Variants in NIPBL observed in about 807,000 individuals in gnomAD.
NIPBL encodes the protein nipped-B-like protein.
Under a neutral mutation model 321.8 loss-of-function variants are expected in NIPBL, and 19 were observed. The observed-to-expected ratio is 0.06, with a 90% CI of 0.04 to 0.09. The LOEUF is 0.09. NIPBL is among the 10% of genes least tolerant of loss of function. The pLI is 1.00. For synonymous variants in NIPBL, 1,106 were observed against 1,114.1 expected (o/e 0.99, Z 0.14); for missense variants, 2,210 against 3,327.0 (o/e 0.66, Z 8.26).
At chr5:37,024,389 T>C (rs536803652) in intron 29 of NIPBL, among the ~76,000 whole-genome samples, 196 bp from the exon 30 acceptor site, 124 of 151,626 alleles carry the variant, frequency 8.2e-4, no homozygotes, top group Non-Finnish European at 1.4e-3. Context: ...GTCTTAGATA[T>C]CATACTTTAA....
intron 1 of NIPBL, among the ~76,000 whole-genome samples, chr5:36,917,370 T>C (rs1748548032): frequency 6.6e-6 from 1 of 152,210 alleles, no homozygotes; most frequent in Non-Finnish European, 1.5e-5. Context: ...TTGAGTTCTT[T>C]GTAGATTCTG....
intron 1 of NIPBL, among the ~76,000 whole-genome samples, chr5:36,944,008 A>G (rs76309922): frequency 6.6e-6 from 1 of 152,194 alleles, no homozygotes; most frequent in African/African-American, 2.4e-5. Context: ...TCCAAGAGAA[A>G]GTAGGAGAAG....
chr5:36,997,361 C>G (rs923454280), intron 11 of NIPBL, among the ~76,000 whole-genome samples: 4 of 152,160 alleles, frequency 2.6e-5, no homozygotes, highest in African/African-American at 9.7e-5. Context: ...GAAGCTGTCT[C>G]ACAGTTAAGT....
At chr5:36,920,087 A>G (rs1748811171) in intron 1 of NIPBL, among the ~76,000 whole-genome samples, 1 of 152,150 alleles carries the variant, frequency 6.6e-6, no homozygotes, top group Non-Finnish European at 1.5e-5. Flanking sequence ...GCTTTTTTGT[A>G]AGGTGATATG....
At chr5:36,896,605 G>C (rs74510893) in intron 1 of NIPBL, among the ~76,000 whole-genome samples, 2,108 of 152,054 alleles carry the variant, frequency 0.014, 54 homozygotes, top group African/African-American at 0.049. Flanking sequence ...TTAGTGTTTT[G>C]TTTGTTTGTT....
chr5:36,991,737 C>T (rs1745538911), intron 10 of NIPBL, among the ~76,000 whole-genome samples: 1 of 148,226 alleles, frequency 6.7e-6, no homozygotes, highest in Admixed American at 6.8e-5. Flanking sequence ...TCCATTATGC[C>T]TGCCCAAGTT....
intron 34 of NIPBL, among the ~76,000 whole-genome samples, chr5:37,043,608 G>A (rs557265128): frequency 1.3e-5 from 2 of 152,218 alleles, no homozygotes; most frequent in South Asian, 2.1e-4. Context: ...AGACTGTCAG[G>A]AAAATCGCTC....
At chr5:36,980,316 C>G (rs1418467135) in intron 9 of NIPBL, among the ~76,000 whole-genome samples, 1 of 151,652 alleles carries the variant, frequency 6.6e-6, no homozygotes, top group African/African-American at 2.4e-5. Flanking sequence ...GGTGAAAATA[C>G]AGGTATGCGG....
intron 43 of NIPBL, among the ~76,000 whole-genome samples, chr5:37,057,762 C>T (rs140299813): frequency 3.9e-4 from 60 of 152,338 alleles, no homozygotes; most frequent in Non-Finnish European, 7.3e-4. Context: ...CCCTCAACTA[C>T]AGCACCGTTA....
chr5:36,891,040 C>T (rs188087855), intron 1 of NIPBL, among the ~76,000 whole-genome samples: 43 of 152,102 alleles, frequency 2.8e-4, no homozygotes, highest in African/African-American at 9.2e-4. Flanking sequence ...CCGAGGCGGG[C>T]GGATCACGAA....
intron 9 of NIPBL, among the ~76,000 whole-genome samples, chr5:36,978,440 GTTGT>G (rs1228540985): frequency 5.9e-5 from 9 of 151,750 alleles, no homozygotes; most frequent in Middle Eastern, 6.8e-3. Context: ...TTTTTAGTGG[GTTGT>G]TTTTTTCTTG....
chr5:36,956,565 A>C (rs892591294), intron 3 of NIPBL, among the ~76,000 whole-genome samples: 26 of 151,672 alleles, frequency 1.7e-4, no homozygotes, highest in Admixed American at 3.3e-4. Context: ...AAGAAGTATA[A>C]TACTACTAAT....
intron 1 of NIPBL, among the ~76,000 whole-genome samples, chr5:36,884,714 A>T (rs983026880): frequency 6.6e-6 from 1 of 152,198 alleles, no homozygotes; most frequent in Non-Finnish European, 1.5e-5. Context: ...GAATTGAGCC[A>T]TGTGGTATTT....
rs1753639915 is a variant in NIPBL, at chr5:37,052,259, A to G, written c.7063-107A>G. 12 of 858,056 alleles carry G rather than the reference A, an allele frequency of 1.4e-5. No homozygotes were observed. The South Asian group carries it at 1.8e-4, about 13-fold the overall frequency. 53.2% of individuals were successfully genotyped at this position (858,056 alleles called of 1,614,324 possible). A position where few individuals can be genotyped will look rare whatever the true frequency, so the allele number is the denominator to read the frequency against. On this transcript the variant is annotated intron_variant, in intron 41 of 46. Transcript: ENST00000282516. ...TCATTCTGTGATTCGTATTATTTTA[A>G]TTAAAAAAAAACAATGAAGCTAGCC... is the stretch of plus-strand genomic sequence containing the variant.
chr5:36,881,864 T>G (rs1745530607), intron 1 of NIPBL, among the ~76,000 whole-genome samples: 1 of 152,000 alleles, frequency 6.6e-6, no homozygotes, highest in Non-Finnish European at 1.5e-5. Flanking sequence ...TGTGAAGCTT[T>G]TAGTTCTTTG....
chr5:37,008,990 T>C (rs1418659278), intron 20 of NIPBL, among the ~76,000 whole-genome samples: 2 of 152,222 alleles, frequency 1.3e-5, no homozygotes, highest in Non-Finnish European at 2.9e-5. Context: ...AACACTTTGT[T>C]ATGCATAGCT....
chr5:36,920,038 G>C (rs1251968895), intron 1 of NIPBL, among the ~76,000 whole-genome samples: 2 of 151,978 alleles, frequency 1.3e-5, no homozygotes, highest in African/African-American at 4.8e-5. Flanking sequence ...GCCATTTTCA[G>C]GATAGAAATA....
chr5:36,973,638 T>G (rs537387751), intron 8 of NIPBL, among the ~76,000 whole-genome samples: 8 of 152,208 alleles, frequency 5.3e-5, no homozygotes, highest in African/African-American at 1.9e-4. Flanking sequence ...CGGGTGATTT[T>G]TTTTGTATTT....
Position 36,876,835 on chromosome 5 carries a change from C to T in NIPBL, c.-423C>T. 1 of 190,038 alleles carries T rather than the reference C, an allele frequency of 5.3e-6. No individual in the cohort carries two copies. The allele number at this position is 190,038 out of a possible 1,614,324, so 11.8% of individuals were successfully genotyped here. A position where few individuals can be genotyped will look rare whatever the true frequency, so the allele number is the denominator to read the frequency against. On this transcript the variant is annotated 5_prime_UTR_variant, in exon 1 of 47. Coordinates refer to ENST00000282516, the MANE Select transcript of NIPBL (RefSeq NM_133433.4). ...ACACAGGGCTCCTTCCCCCCGCCCTCCCCCCCCTCCCTCCGTCGGTACCGA... is the reference window on the plus strand; with the variant it reads ...ACACAGGGCTCCTTCCCCCCGCCCTTCCCCCCCTCCCTCCGTCGGTACCGA...
Sources: gnomAD v4.1 joint callset for allele counts (sites outside exome capture counted in the v4.1 genomes callset) on GRCh38, gnomAD v4.1.1 for gene constraint, MANE v1.5 for transcripts, NCBI Gene and HGNC (gene_info 2026-07-23, HGNC 2026-07-21) for gene names.